JAG1: variants seen among roughly 807,000 people sequenced by gnomAD.
The protein encoded by JAG1 is jagged canonical Notch ligand 1.
JAG1 carries 23 observed loss-of-function variants against 148.7 expected under a neutral mutation model. The observed-to-expected ratio is 0.15, with a 90% CI of 0.11 to 0.22. The LOEUF (loss-of-function observed/expected upper bound fraction) is 0.22, where lower values mean the gene tolerates loss of function less well. Ranked by LOEUF, JAG1 falls within the 10% of genes least tolerant of loss-of-function variation. The probability of loss-of-function intolerance (pLI) is 1.00; values close to 1 mark genes in which losing one functional copy is unlikely to be tolerated. For synonymous variants in JAG1, 572 were observed against 598.3 expected, an observed-to-expected ratio of 0.96 and a Z score of 0.64; for missense variants, 1,054 against 1,611.2, an observed-to-expected ratio of 0.65 and a Z score of 5.92.
At position 10,651,640 on chromosome 20, in the gene JAG1, G is replaced by T; in HGVS notation, c.1061C>A (p.Thr354Asn). 1 of 1,614,118 alleles carries T rather than the reference G, an allele frequency of 6.2e-7. No homozygotes were observed. The highest frequency in any genetic ancestry group is 2.2e-5 in the East Asian group (1 of 44,886). The change falls in exon 8 of 26, where the codon ACC (threonine) becomes AAC (asparagine). Residue 354 changes from threonine to asparagine, a missense_variant. Physicochemically the swap from Thr to Asn is moderately conservative, Grantham distance 65. This residue lies in a region of JAG1 where 245 missense variants were observed against 373.1 expected (regional missense o/e 0.66). Coordinates refer to ENST00000254958, the MANE Select transcript of JAG1 (RefSeq NM_000214.3). ...ACACTCACACTCAAAGCCCAGGGAGGTCTCCTTACAGCTGCCTCTGTTGTG... is the reference window on the plus strand; with the variant it reads ...ACACTCACACTCAAAGCCCAGGGAGTTCTCCTTACAGCTGCCTCTGTTGTG... ...PCHNRGSCKE[T>N]SLGFECECSP...
chr20:10,642,178 C>T (rs1645751591), intron 21 of JAG1, among the ~76,000 whole-genome samples: 1 of 152,174 alleles, frequency 6.6e-6, no homozygotes, highest in African/African-American at 2.4e-5. Context: ...CAGACACAGC[C>T]ACTGGTCGAA....
At chr20:10,661,290 T>C (rs977786909) in intron 3 of JAG1, among the ~76,000 whole-genome samples, 2 of 152,172 alleles carry the variant, frequency 1.3e-5, no homozygotes, top group Non-Finnish European at 2.9e-5. Context: ...GCTCTGCCTT[T>C]GATTTACATC....
chr20:10,663,540 T>C (rs1387200150), intron 3 of JAG1, among the ~76,000 whole-genome samples: 2 of 152,204 alleles, frequency 1.3e-5, no homozygotes, highest in Non-Finnish European at 2.9e-5. Flanking sequence ...CCAAGTGAAA[T>C]TCAAGGTCGG....
intron 11 of JAG1, 115 bp downstream of exon 11, chr20:10,648,944 ACT>A: frequency 1.0e-6 from 1 of 980,774 alleles, no homozygotes; most frequent in South Asian, 1.4e-5. Context: ...CTTCCAAGAG[ACT>A]CTTTTTTCAC....
At chr20:10,667,635 A>G (rs993326754) in intron 2 of JAG1, among the ~76,000 whole-genome samples, 2 of 152,104 alleles carry the variant, frequency 1.3e-5, no homozygotes, top group South Asian at 4.1e-4. Flanking sequence ...ACAGAAAGCA[A>G]TCAAGTCTGT....
At chr20:10,648,139 G>A in intron 12 of JAG1, 29 bp from the exon 13 acceptor site, 2 of 1,613,970 alleles carry the variant, frequency 1.2e-6, no homozygotes, top group South Asian at 1.1e-5. Context: ...GCGAAAAGGG[G>A]GAGGGATCAG....
Position 10,641,859 on chromosome 20 carries a change from A to C in JAG1, c.2606T>G (p.Val869Gly), listed in dbSNP as rs2067274702. The C allele has an allele frequency of 6.2e-7, 1 of 1,613,836 alleles. No homozygotes were observed. Among genetic ancestry groups the C allele is most frequent in the East Asian group, 2.2e-5 (1 of 44,880 alleles). Residue 869 changes from valine (V) to glycine (G), a missense_variant, in exon 22 of 26, where the codon GTG becomes GGG. This residue lies in a region of JAG1 where 342 missense variants were observed against 514.6 expected (regional missense o/e 0.66). Coordinates refer to ENST00000254958, the MANE Select transcript of JAG1 (RefSeq NM_000214.3). ...ATCCCATTTGGCCCCATCTGGTATC[A>C]CACTCCCCATGGTGATGCAAGGTCT... ...SGRPCITMGS[V>G]IPDGAKWDDD... is the part of the protein sequence containing the mutation.
chr20:10,652,428 C>G, intron 6 of JAG1, 40 bp downstream of exon 6: 2 of 1,612,618 alleles, frequency 1.2e-6, no homozygotes, highest in Non-Finnish European at 1.7e-6. Context: ...GCCATCCCAC[C>G]CCCAGATCCC....
In JAG1 at chr20:10,673,997, T is replaced by A. The variant is rs1025567254; in HGVS notation, c.-467A>T. On this transcript the variant is annotated 5_prime_UTR_variant, in exon 1 of 26. Coordinates refer to ENST00000254958, the MANE Select transcript of JAG1 (RefSeq NM_000214.3). This position sits in a 1 kb window ranked among gnomAD's most constrained non-coding sequence, Gnocchi z 4.7. ...CTCGGAGAAGGACCCGGAGAGCCCG[T>A]CTGGCAGCAGCGGCCGGGGCTGGCC... 6.6e-6 allele frequency: 1 copy of A among 151,784 alleles called. No homozygotes were observed. The highest frequency in any genetic ancestry group is 1.5e-5 in the Non-Finnish European group (1 of 68,040). 9.4% of individuals were successfully genotyped at this position (151,784 alleles called of 1,614,324 possible). A position where few individuals can be genotyped will look rare whatever the true frequency, so the allele number is the denominator to read the frequency against.
rs1568792060 is a variant in JAG1, at chr20:10,641,575, C to T, written c.2801G>A (p.Gly934Asp). Reference protein sequence around the residue: ...QCFVHPCTGVGECRSSSLQPV... With the variant: ...QCFVHPCTGVDECRSSSLQPV... ...CTGGAGACTGGAAGACCGACACTCGCCCACACCAGTGCAGGGGTGGACGAA... is the reference window on the plus strand; with the variant it reads ...CTGGAGACTGGAAGACCGACACTCGTCCACACCAGTGCAGGGGTGGACGAA... Residue 934 changes from glycine to aspartate, a missense_variant, in exon 23 of 26, where the codon GGC becomes GAC. Physicochemically the swap from Gly to Asp is moderately conservative, Grantham distance 94 (BLOSUM62 -1). Transcript: ENST00000254958. 1 of 1,614,120 alleles carries T rather than the reference C, an allele frequency of 6.2e-7. No homozygotes were observed. Among genetic ancestry groups the T allele is most frequent in the Non-Finnish European group, 8.5e-7 (1 of 1,179,968 alleles).
At chr20:10,661,924 G>A (rs368183419) in intron 3 of JAG1, among the ~76,000 whole-genome samples, 3 of 152,146 alleles carry the variant, frequency 2.0e-5, no homozygotes, top group East Asian at 3.8e-4. Flanking sequence ...TACACAGATC[G>A]CCTTCTATAT....
Position 10,644,408 on chromosome 20 carries a change from A to G in JAG1, c.2345-24T>C, listed in dbSNP as rs373355665. 6.9e-6 allele frequency: 11 copies of G among 1,605,758 alleles called. No homozygotes were observed. In the African/African-American group the frequency reaches 1.5e-4, roughly 21 times the overall value. ...ATCTGCAAAGAAAAGACAACTTAAT[A>G]GTGAGGACTTCAACAGGGAAAGCGG... is the stretch of plus-strand genomic sequence containing the variant. On this transcript the variant is annotated intron_variant, in intron 18 of 25. Coordinates refer to ENST00000254958, the MANE Select transcript of JAG1 (RefSeq NM_000214.3).
intron 13 of JAG1, 126 bp downstream of exon 13, chr20:10,647,834 T>C (rs2067319641): frequency 2.9e-6 from 3 of 1,043,918 alleles, no homozygotes; most frequent in Non-Finnish European, 4.4e-6. Context: ...ACAGGCAGGA[T>C]CATTTCACTA....
intron 4 of JAG1, among the ~76,000 whole-genome samples, chr20:10,657,721 A>G (rs1305587435): frequency 6.6e-6 from 1 of 152,222 alleles, no homozygotes; most frequent in African/African-American, 2.4e-5. Flanking sequence ...AATTCTATAA[A>G]GGGACTGGGA....
At chr20:10,648,792 G>T (rs2067326002) in intron 11 of JAG1, 70 bp from the exon 12 acceptor site, 1 of 1,464,314 alleles carries the variant, frequency 6.8e-7, no homozygotes. Flanking sequence ...CAGGGCTTCA[G>T]CGGTTTAGCA....
chr20:10,645,147 G>A lies in JAG1; in HGVS notation c.2223C>T (p.Asn741=). ...CPGGWEGTTC[N]IARNSSCLPN... ...CCACGTGGGGCATAAAGTTACCTAT[G>A]TTACAGGTTGTTCCTTCCCAGCCGC... Residue 741 remains asparagine, a synonymous_variant, in exon 17 of 26, where the codon AAC becomes AAT. Transcript: ENST00000254958. This position sits in a 1 kb window ranked among gnomAD's most constrained non-coding sequence, Gnocchi z 6.1. 1 of 1,612,354 alleles carries A rather than the reference G, an allele frequency of 6.2e-7. No individual in the cohort carries two copies. The highest frequency in any genetic ancestry group is 1.1e-5 in the South Asian group (1 of 91,058).
intron 3 of JAG1, among the ~76,000 whole-genome samples, chr20:10,663,489 C>A (rs1263618509): frequency 6.6e-6 from 1 of 152,206 alleles, no homozygotes; most frequent in Non-Finnish European, 1.5e-5. Context: ...GTTTGTGGAG[C>A]AGTGTGGGAA....
In JAG1 at chr20:10,659,559, C is replaced by CTTTTTTTTTTTTTTTTT. The variant is rs35826283; in HGVS notation, c.440-854_440-838dup. ...GGAAGCCAAGGAGACGATTAAGTTA[C>CTTTTTTTTTTTTTTTTT]TTTTTTTTTTTTTTTTTTTTTTTTT... is the stretch of plus-strand genomic sequence containing the variant. On this transcript the variant is annotated intron_variant, in intron 3 of 25. Transcript: ENST00000254958. Among the ~76,000 whole-genome samples, 17 of 105,138 alleles carry CTTTTTTTTTTTTTTTTT rather than the reference C, an allele frequency of 1.6e-4. 7 individuals carry two copies. The highest frequency in any genetic ancestry group is 1.5e-4 in the Non-Finnish European group (8 of 53,466). 69.0% of individuals were successfully genotyped at this position (105,138 alleles called of 152,430 possible).
intron 2 of JAG1, among the ~76,000 whole-genome samples, chr20:10,671,575 T>G (rs2067495226): frequency 6.6e-6 from 1 of 151,958 alleles, no homozygotes. Flanking sequence ...TGCACCCCAT[T>G]AGAGCACGTG....
Sources: gnomAD v4.1 joint callset for allele counts (sites outside exome capture counted in the v4.1 genomes callset) on GRCh38, gnomAD v4.1.1 for gene constraint, gnomAD v4.1.1 regional missense constraint, Gnocchi (gnomAD v3.1) non-coding constraint, MANE v1.5 for transcripts, NCBI Gene and HGNC (gene_info 2026-07-23, HGNC 2026-07-21) for gene names.